The following KCNK9 variants were observed in gnomAD, a reference collection of about 807,000 sequenced individuals.
KCNK9 encodes the protein potassium channel subfamily K member 9.
A neutral mutation model predicts 10.8 loss-of-function variants in KCNK9; 1 was observed. The observed-to-expected ratio is 0.09, with a 90% CI of 0.03 to 0.44. The LOEUF (loss-of-function observed/expected upper bound fraction) is 0.44. Ranked by LOEUF, KCNK9 falls within the 20% of genes least tolerant of loss-of-function variation. The pLI is 0.97. For synonymous variants in KCNK9, 231 were observed against 222.7 expected (o/e 1.04, Z -0.33); for missense variants, 303 against 515.0 (o/e 0.59, Z 3.98).
chr8:139,608,986 C>T (rs1814324994), downstream of KCNK9, among the ~76,000 whole-genome samples: 2 of 151,972 alleles, frequency 1.3e-5, no homozygotes, highest in African/African-American at 4.8e-5. Flanking sequence ...GTGAAATGCC[C>T]ACTGCCCCCA....
chr8:139,692,755 A>G (rs1353519392), intron 1 of KCNK9, among the ~76,000 whole-genome samples: 19 of 152,120 alleles, frequency 1.2e-4, no homozygotes. Flanking sequence ...TCCACCTGGC[A>G]TCAGTGGCAA....
chr8:139,649,279 G>C (rs979686211), intron 1 of KCNK9, among the ~76,000 whole-genome samples: 1 of 152,194 alleles, frequency 6.6e-6, no homozygotes, highest in African/African-American at 2.4e-5. Flanking sequence ...GGCCTGAGTG[G>C]CGCGTCAGAA....
Position 139,632,960 on chromosome 8 carries a change from G to A in KCNK9, c.284-13861C>T, listed in dbSNP as rs186575237. On this transcript the variant is annotated intron_variant, in intron 1 of 1. Coordinates refer to ENST00000520439, the MANE Select transcript of KCNK9 (RefSeq NM_001282534.2). ...TACAGACAGGCCCACCCCGCTTATTGTTCAACAACATGCGAGAAGAACCCC... is the reference window on the plus strand; with the variant it reads ...TACAGACAGGCCCACCCCGCTTATTATTCAACAACATGCGAGAAGAACCCC... 1.8e-3 allele frequency among the ~76,000 whole-genome samples: 276 copies of A among 152,236 alleles called. 2 individuals are homozygous for A. Among genetic ancestry groups the A allele is most frequent in the Admixed American group, 6.4e-3 (98 of 15,292 alleles).
chr8:139,623,328 T>C lies in KCNK9; in HGVS notation c.284-4229A>G, dbSNP rs79121517. 4.7e-3 allele frequency among the ~76,000 whole-genome samples: 710 copies of C among 152,248 alleles called. 2 individuals carry two copies. Among genetic ancestry groups the C allele is most frequent in the Non-Finnish European group, 7.8e-3 (529 of 68,008 alleles). On this transcript the variant is annotated intron_variant, in intron 1 of 1. Transcript: ENST00000520439. The stretch of plus-strand genomic sequence containing the variant: ...TCACCCGCCCAGGGGTCAGAAGATA[T>C]ATTCATTCATCTACTCATACATTAC...
intron 1 of KCNK9, among the ~76,000 whole-genome samples, chr8:139,646,399 G>A (rs1815680936): frequency 1.3e-5 from 2 of 152,232 alleles, no homozygotes; most frequent in African/African-American, 2.4e-5. Context: ...AGTCAGCTCC[G>A]TGGCTTCTGA....
chr8:139,654,241 T>C (rs1251788983), intron 1 of KCNK9, among the ~76,000 whole-genome samples: 1 of 152,234 alleles, frequency 6.6e-6, no homozygotes, highest in Non-Finnish European at 1.5e-5. Context: ...TTTTAATACT[T>C]ACATGGAAAA....
At chr8:139,638,842 G>A (rs144901565) in intron 1 of KCNK9, among the ~76,000 whole-genome samples, 3 of 152,302 alleles carry the variant, frequency 2.0e-5, no homozygotes, top group Non-Finnish European at 4.4e-5. Context: ...GGCATCATCC[G>A]CTCTGCCTGT....
chr8:139,638,755 A>C lies in KCNK9; in HGVS notation c.284-19656T>G, dbSNP rs556807669. On this transcript the variant is annotated intron_variant, in intron 1 of 1. Coordinates refer to ENST00000520439, the MANE Select transcript of KCNK9 (RefSeq NM_001282534.2). Reference sequence around the variant, plus strand: ...GGGAGAGCAGTTTTCCTTACAAATCAGCTGGCTCAGCACCCGCTGTGGGAT... The same window carrying C: ...GGGAGAGCAGTTTTCCTTACAAATCCGCTGGCTCAGCACCCGCTGTGGGAT... 2.1e-4 allele frequency among the ~76,000 whole-genome samples: 32 copies of C among 152,290 alleles called. No individual in the cohort carries two copies. The Middle Eastern group carries it at 0.01, about 49-fold the overall frequency.
chr8:139,645,961 C>T (rs566671284), intron 1 of KCNK9, among the ~76,000 whole-genome samples: 12 of 152,244 alleles, frequency 7.9e-5, no homozygotes, highest in Admixed American at 5.2e-4. Context: ...TAGCCCAGTG[C>T]CCCACACCCA....
intron 1 of KCNK9, among the ~76,000 whole-genome samples, chr8:139,643,498 G>T (rs1477006588): frequency 6.6e-6 from 1 of 152,222 alleles, no homozygotes; most frequent in Non-Finnish European, 1.5e-5. Flanking sequence ...GAGCGTTCCG[G>T]ATCCTGAAGA....
At chr8:139,614,786 C>CT (rs1326329430), downstream of KCNK9, among the ~76,000 whole-genome samples, 1 of 152,226 alleles carries the variant, frequency 6.6e-6, no homozygotes, top group Non-Finnish European at 1.5e-5. Context: ...ATTACTCTCA[C>CT]TTGAACTCTT....
chr8:139,649,365 T>C (rs1815785728), intron 1 of KCNK9, among the ~76,000 whole-genome samples: 1 of 152,168 alleles, frequency 6.6e-6, no homozygotes, highest in Non-Finnish European at 1.5e-5. Flanking sequence ...CCCGTTGATT[T>C]GGGGGCTGGC....
intron 1 of KCNK9, among the ~76,000 whole-genome samples, chr8:139,677,475 C>T (rs1440402765): frequency 6.6e-6 from 1 of 152,096 alleles, no homozygotes; most frequent in East Asian, 1.9e-4. Flanking sequence ...TGTTTAAACC[C>T]CAAGCAGCAG....
downstream of KCNK9, among the ~76,000 whole-genome samples, chr8:139,609,409 G>A (rs1025681852): frequency 1.3e-5 from 2 of 152,250 alleles, no homozygotes; most frequent in African/African-American, 4.8e-5. Context: ...GCCCTCAGAA[G>A]GGGGTAGGGG....
At chr8:139,701,522 G>C (rs955123505) in intron 1 of KCNK9, among the ~76,000 whole-genome samples, 3 of 152,104 alleles carry the variant, frequency 2.0e-5, no homozygotes, top group African/African-American at 7.2e-5. Flanking sequence ...AAGCGAGACA[G>C]GAGGAGCTGG....
At chr8:139,632,934 G>A (rs148512580) in intron 1 of KCNK9, among the ~76,000 whole-genome samples, 7 of 152,300 alleles carry the variant, frequency 4.6e-5, no homozygotes, top group East Asian at 3.9e-4. Flanking sequence ...GAGCAAAGAC[G>A]TACAGACAGG....
intron 1 of KCNK9, among the ~76,000 whole-genome samples, chr8:139,656,289 C>T (rs186892318): frequency 7.3e-4 from 111 of 152,306 alleles, no homozygotes; most frequent in African/African-American, 2.6e-3. Flanking sequence ...GAGCAGAGAG[C>T]CCATCCAGCT....
intron 1 of KCNK9, among the ~76,000 whole-genome samples, chr8:139,637,100 C>T (rs898809062): frequency 2.0e-5 from 3 of 152,196 alleles, no homozygotes; most frequent in Non-Finnish European, 2.9e-5. Flanking sequence ...AACATACTCC[C>T]GGGAGCCTAA....
intron 1 of KCNK9, among the ~76,000 whole-genome samples, chr8:139,637,185 G>C (rs1423346967): frequency 6.6e-6 from 1 of 152,238 alleles, no homozygotes; most frequent in Non-Finnish European, 1.5e-5. Flanking sequence ...CCTTGAGACT[G>C]TGCCCAAGCA....
Sources: allele counts gnomAD v4.1 joint callset (sites outside exome capture counted in the v4.1 genomes callset), GRCh38; gene constraint gnomAD v4.1.1; transcripts MANE v1.5; gene names NCBI Gene and HGNC (gene_info 2026-07-23, HGNC 2026-07-21).